Variants in ADGRD1 observed in about 807,000 individuals in gnomAD.
ADGRD1 encodes G-protein coupled receptor 133.
Under a neutral mutation model 113.4 loss-of-function variants are expected in ADGRD1, and 77 were observed. The ratio of observed to expected loss-of-function variants is 0.68; its 90% CI spans 0.57 to 0.82. The LOEUF is 0.82. Among genes scored for constraint, ADGRD1 ranks in the 40% least tolerant of loss-of-function variants. The pLI is 0.00. For missense variants in ADGRD1, 1,036 were observed against 1,139.1 expected (o/e 0.91, Z 1.30); for synonymous variants, 474 against 475.0 (o/e 1.00, Z 0.03).
intron 15 of ADGRD1, among the ~76,000 whole-genome samples, chr12:131,088,986 C>T (rs186355432): frequency 9.7e-4 from 147 of 152,218 alleles, no homozygotes; most frequent in African/African-American, 3.5e-3. Flanking sequence ...CCGACAAGGC[C>T]CGGGTGGAGT....
chr12:131,113,544 T>C lies in ADGRD1; in HGVS notation c.2041+4667T>C, dbSNP rs1438511902. 6.6e-6 allele frequency among the ~76,000 whole-genome samples: 1 copy of C among 152,230 alleles called. No homozygotes were observed. The highest frequency in any genetic ancestry group is 2.4e-5 in the African/African-American group (1 of 41,458). On this transcript the variant is annotated intron_variant, in intron 18 of 24. Coordinates refer to ENST00000261654, the MANE Select transcript of ADGRD1 (RefSeq NM_198827.5). This position sits in a 1 kb window ranked among gnomAD's most constrained non-coding sequence, Gnocchi z 4.9. ...CAGTCTTTGTTATGCAAGTAGCAGG[T>C]AAACAGGCTTACTTTGTGCTTTGAG...
At chr12:130,982,776 G>C (rs1168204687) in intron 5 of ADGRD1, among the ~76,000 whole-genome samples, 1 of 152,112 alleles carries the variant, frequency 6.6e-6, no homozygotes, top group African/African-American at 2.4e-5. Flanking sequence ...CATGGACGTG[G>C]GGCAGTAGGC....
intron 15 of ADGRD1, among the ~76,000 whole-genome samples, chr12:131,101,803 A>C (rs1020767411): frequency 1.3e-5 from 2 of 152,206 alleles, no homozygotes; most frequent in Non-Finnish European, 2.9e-5. Context: ...TTCCATCTCT[A>C]GGCAGAGATC....
At chr12:131,083,503 A>G (rs926546569) in intron 14 of ADGRD1, among the ~76,000 whole-genome samples, 1 of 152,204 alleles carries the variant, frequency 6.6e-6, no homozygotes, top group African/African-American at 2.4e-5. Context: ...GCTACTTGGG[A>G]GGCTGAGGTG....
chr12:131,084,350 C>T lies in ADGRD1; in HGVS notation c.1548-190C>T, dbSNP rs897658578. On this transcript the variant is annotated intron_variant, in intron 14 of 24. Transcript: ENST00000261654. This position sits in a 1 kb window ranked among gnomAD's most constrained non-coding sequence, Gnocchi z 4.5. ...CCAGCAGCAGACACTCTCCAGCTCT[C>T]GCCAGCCTGATGGCCAGAATCTCTC... Among the ~76,000 whole-genome samples the T allele has an allele frequency of 2.6e-5, 4 of 152,162 alleles. No individual in the cohort carries two copies. The highest frequency in any genetic ancestry group is 6.5e-5 in the Admixed American group (1 of 15,282).
rs1235562175 is a variant in ADGRD1, at chr12:131,084,244, C to T, written c.1548-296C>T. On this transcript the variant is annotated intron_variant, in intron 14 of 24. Coordinates refer to ENST00000261654, the MANE Select transcript of ADGRD1 (RefSeq NM_198827.5). The surrounding 1 kb of genome is among the most constrained non-coding windows in gnomAD (Gnocchi z 4.5). ...CGTTTCATTTTGTGCTGGGCTTGGT[C>T]CAGGTGCTTTTCAGGGTGATTGTGC... is the stretch of plus-strand genomic sequence containing the variant. Among the ~76,000 whole-genome samples the T allele has an allele frequency of 6.6e-6, 1 of 152,100 alleles. No individual in the cohort carries two copies. The highest frequency in any genetic ancestry group is 1.5e-5 in the Non-Finnish European group (1 of 68,012).
intron 20 of ADGRD1, among the ~76,000 whole-genome samples, chr12:131,128,341 G>T (rs1950799770): frequency 6.6e-6 from 1 of 152,052 alleles, no homozygotes; most frequent in African/African-American, 2.4e-5. Context: ...AGTTGCTCGA[G>T]ATCCTCTCCA....
chr12:131,062,189 G>A (rs1215291057), intron 13 of ADGRD1, among the ~76,000 whole-genome samples: 1 of 152,110 alleles, frequency 6.6e-6, no homozygotes, highest in Non-Finnish European at 1.5e-5. Context: ...TAGAGACGGG[G>A]TTTCACTGTT....
intron 17 of ADGRD1, among the ~76,000 whole-genome samples, chr12:131,106,313 G>T (rs1193724505): frequency 6.6e-6 from 1 of 152,206 alleles, no homozygotes; most frequent in Non-Finnish European, 1.5e-5. Flanking sequence ...GCAAACAGTT[G>T]TGCCACCTCT....
chr12:131,046,290 T>C, intron 13 of ADGRD1, among the ~76,000 whole-genome samples: 1 of 135,026 alleles, frequency 7.4e-6, no homozygotes. Flanking sequence ...CAATGCTCCC[T>C]CCCTGGTCAG....
At chr12:131,038,064 A>T (rs1462321461) in intron 13 of ADGRD1, among the ~76,000 whole-genome samples, 4 of 151,830 alleles carry the variant, frequency 2.6e-5, no homozygotes, top group Non-Finnish European at 4.4e-5. Flanking sequence ...ACCGGGTCTC[A>T]CTCACTACAC....
intron 8 of ADGRD1, among the ~76,000 whole-genome samples, chr12:130,996,924 C>A (rs1875519191): frequency 7.7e-6 from 1 of 130,632 alleles, no homozygotes; most frequent in African/African-American, 3.0e-5. Flanking sequence ...AGAGGAGCCC[C>A]TCACCTCCCG....
chr12:131,055,858 T>G (rs900637578), intron 13 of ADGRD1, among the ~76,000 whole-genome samples: 1 of 152,176 alleles, frequency 6.6e-6, no homozygotes, highest in African/African-American at 2.4e-5. Flanking sequence ...GTAAAACCAC[T>G]CATCTTTCAT....
chr12:131,131,759 T>C lies in ADGRD1; in HGVS notation c.2210T>C (p.Val737Ala), dbSNP rs753419239. ...NIGILIAVTR[V>A]ISQISADNYK... ...GGCATCCTCATCGCTGTGACCAGAG[T>C]CATCTCACAGATCAGCGCCGACAAC... is the stretch of plus-strand genomic sequence containing the variant. The change falls in exon 21 of 25, where the codon GTC becomes GCC. Residue 737 changes from valine (V) to alanine (A), a missense_variant. By Grantham distance (64) the Val-to-Ala change is moderately conservative. Coordinates refer to ENST00000261654, the MANE Select transcript of ADGRD1 (RefSeq NM_198827.5). 3.7e-6 allele frequency: 6 copies of C among 1,611,250 alleles called. No homozygotes were observed. In the African/African-American group the frequency reaches 6.7e-5, roughly 18 times the overall value.
chr12:131,135,092 G>T (rs1951041031), intron 21 of ADGRD1, among the ~76,000 whole-genome samples: 1 of 152,232 alleles, frequency 6.6e-6, no homozygotes, highest in Non-Finnish European at 1.5e-5. Context: ...AGTCAGGATG[G>T]ACTGGGCTTG....
At chr12:131,133,479 C>T (rs992135221) in intron 21 of ADGRD1, among the ~76,000 whole-genome samples, 159 of 152,282 alleles carry the variant, frequency 1.0e-3, no homozygotes, top group African/African-American at 3.5e-3. Flanking sequence ...TGTGAAGGCT[C>T]GAGGTAGCGT....
chr12:131,131,852 C>T, intron 21 of ADGRD1, 36 bp downstream of exon 21: 1 of 1,322,068 alleles, frequency 7.6e-7, no homozygotes. Flanking sequence ...GTGCCACGGC[C>T]CTTCTGCCCC....
At chr12:131,105,411 G>A (rs1950210778) in intron 16 of ADGRD1, among the ~76,000 whole-genome samples, 1 of 152,240 alleles carries the variant, frequency 6.6e-6, no homozygotes, top group Admixed American at 6.5e-5. Flanking sequence ...CGCCATGCGG[G>A]GACCTGGGAG....
In ADGRD1 at chr12:130,987,144, G is replaced by C; in HGVS notation, c.540G>C (p.Leu180=). The C allele has an allele frequency of 6.2e-7, 1 of 1,614,050 alleles. No homozygotes were observed. Among genetic ancestry groups the C allele is most frequent in the Non-Finnish European group, 8.5e-7 (1 of 1,179,860 alleles). The change falls in exon 6 of 25, where the codon CTG becomes CTC. Residue 180 remains leucine (L), a synonymous_variant. Coordinates refer to ENST00000261654, the MANE Select transcript of ADGRD1 (RefSeq NM_198827.5). ...VLFTWKSKEG[L]KVYVNGTLST... Reference sequence around the variant, plus strand: ...TTACATGGAAATCCAAGGAGGGCCTGAAAGTCTACGTCAACGGGACCCTGA... The same window carrying C: ...TTACATGGAAATCCAAGGAGGGCCTCAAAGTCTACGTCAACGGGACCCTGA...
Sources: gnomAD v4.1 joint callset for allele counts (sites outside exome capture counted in the v4.1 genomes callset) on GRCh38, gnomAD v4.1.1 for gene constraint, Gnocchi (gnomAD v3.1) non-coding constraint, MANE v1.5 for transcripts, NCBI Gene and HGNC (gene_info 2026-07-23, HGNC 2026-07-21) for gene names.